Variants in PPP1R8 observed in about 807,000 individuals in gnomAD.
PPP1R8 encodes the protein nuclear inhibitor of protein phosphatase 1.
In PPP1R8, 4 loss-of-function variants were observed where a neutral mutation model predicts 31.3. That is an observed-to-expected ratio of 0.13 (90% CI 0.06 to 0.29). The LOEUF (loss-of-function observed/expected upper bound fraction) is 0.29, where lower values mean the gene tolerates loss of function less well. Among genes scored for constraint, PPP1R8 ranks in the 10% least tolerant of loss-of-function variants. PPP1R8 has a pLI of 1.00. For missense variants in PPP1R8, 254 were observed against 440.1 expected, an observed-to-expected ratio of 0.58 and a Z score of 3.78; for synonymous variants, 170 against 169.7, an observed-to-expected ratio of 1.00 and a Z score of -0.01.
At position 27,830,873 on chromosome 1, in the gene PPP1R8, T is replaced by C. The variant is rs1044865954; in HGVS notation, c.38T>C (p.Leu13Pro). 1 of 1,573,396 alleles carries C rather than the reference T, an allele frequency of 6.4e-7. No homozygotes were observed. Among genetic ancestry groups the C allele is most frequent in the African/African-American group, 1.4e-5 (1 of 73,964 alleles). Reference sequence around the variant, plus strand: ...GCGAACTCCGGCTCTAGCCTCCCGCTGTTCGACTGCCCAACCTGGTGAGTG... The same window carrying C: ...GCGAACTCCGGCTCTAGCCTCCCGCCGTTCGACTGCCCAACCTGGTGAGTG... Reference protein sequence around the residue: ...AAANSGSSLPLFDCPTWAGKP... With the variant: ...AAANSGSSLPPFDCPTWAGKP... The change falls in exon 1 of 7, where the codon CTG becomes CCG. Residue 13 changes from leucine (L) to proline (P), a missense_variant. By Grantham distance (98) the Leu-to-Pro change is moderately conservative (BLOSUM62 -3). Coordinates refer to ENST00000311772, the MANE Select transcript of PPP1R8 (RefSeq NM_014110.5).
intron 2 of PPP1R8, among the ~76,000 whole-genome samples, chr1:27,835,925 C>T (rs940420877): frequency 6.6e-6 from 1 of 152,208 alleles, no homozygotes; most frequent in Non-Finnish European, 1.5e-5. Flanking sequence ...ATGTAAAACT[C>T]ATAGCATAGT....
intron 1 of PPP1R8, among the ~76,000 whole-genome samples, chr1:27,832,444 C>A (rs902229971): frequency 6.6e-6 from 1 of 152,130 alleles, no homozygotes; most frequent in African/African-American, 2.4e-5. Flanking sequence ...GACTAGACCA[C>A]CCCAGCTATC....
chr1:27,837,294 G>C (rs1219501403), intron 2 of PPP1R8, among the ~76,000 whole-genome samples: 1 of 151,746 alleles, frequency 6.6e-6, no homozygotes, highest in African/African-American at 2.4e-5. Context: ...AGCTGGGCGT[G>C]GTGGCACACG....
rs150551499 is a variant in PPP1R8 at position 27,850,197 on chromosome 1, C to A, written c.807C>A (p.Pro269=). Residue 269 remains proline (P), a synonymous_variant, in exon 7 of 7, where the codon CCC becomes CCA. Coordinates refer to ENST00000311772, the MANE Select transcript of PPP1R8 (RefSeq NM_014110.5). ...FSGGLYGGLP[P]THSEAGSQPH... is the part of the protein sequence containing the mutation. ...GAGGACTCTACGGGGGCCTGCCCCC[C>A]ACACACAGTGAAGCAGGCTCCCAGC... 6 of 1,614,078 alleles carry A rather than the reference C, an allele frequency of 3.7e-6. No homozygotes were observed. Among genetic ancestry groups the A allele is most frequent in the Non-Finnish European group, 4.2e-6 (5 of 1,180,046 alleles).
At position 27,851,576 on chromosome 1, in the gene PPP1R8, C is replaced by T. The variant is rs777995449; in HGVS notation, c.*1130C>T. 7 of 511,330 alleles carry T rather than the reference C, an allele frequency of 1.4e-5. No individual in the cohort carries two copies. The highest frequency in any genetic ancestry group is 4.3e-5 in the South Asian group (3 of 69,656). 31.7% of individuals were successfully genotyped at this position (511,330 alleles called of 1,614,324 possible). On this transcript the variant is annotated 3_prime_UTR_variant, in exon 7 of 7. Transcript: ENST00000311772. ...GTCTCTCAGTCACTGATTGCCACTG[C>T]CATCTGGAAATGTTTGCTAAAGGCA...
chr1:27,838,612 T>C, intron 2 of PPP1R8, 87 bp from the exon 3 acceptor site: 1 of 839,274 alleles, frequency 1.2e-6, no homozygotes, highest in East Asian at 3.0e-5. Context: ...AGGAATTTTA[T>C]CTACTCAAGA....
chr1:27,835,793 G>C (rs1191236023), intron 2 of PPP1R8, among the ~76,000 whole-genome samples: 1 of 152,236 alleles, frequency 6.6e-6, no homozygotes, highest in Non-Finnish European at 1.5e-5. Context: ...CGGCCCACAA[G>C]TATCTAACTG....
intron 2 of PPP1R8, among the ~76,000 whole-genome samples, chr1:27,837,004 AT>A (rs2089173393): frequency 1.3e-5 from 2 of 152,228 alleles, no homozygotes; most frequent in African/African-American, 4.8e-5. Flanking sequence ...TCTTATTACA[AT>A]TTTTTTCGGT....
chr1:27,847,206 C>G (rs550234343), intron 6 of PPP1R8, 114 bp downstream of exon 6: 17 of 1,034,826 alleles, frequency 1.6e-5, no homozygotes, highest in East Asian at 5.0e-5. Flanking sequence ...GCAGGCAGAT[C>G]AAGAGGTCAA....
At chr1:27,846,309 C>T (rs539520576) in intron 5 of PPP1R8, among the ~76,000 whole-genome samples, 1 of 152,266 alleles carries the variant, frequency 6.6e-6, no homozygotes. Flanking sequence ...CAGTCATCCC[C>T]TCTGTGCTCC....
chr1:27,831,281 C>T, intron 1 of PPP1R8: 5 of 1,006,760 alleles, frequency 5.0e-6, no homozygotes, highest in Non-Finnish European at 4.7e-6. Flanking sequence ...AGCCCCGGCC[C>T]CAACCCTACC....
At chr1:27,845,793 T>C (rs1275811962) in intron 5 of PPP1R8, among the ~76,000 whole-genome samples, 1 of 130,824 alleles carries the variant, frequency 7.6e-6, no homozygotes, top group Non-Finnish European at 1.6e-5. Flanking sequence ...CTTTTTTTTT[T>C]TTTTTTTTTT....
intron 2 of PPP1R8, among the ~76,000 whole-genome samples, chr1:27,837,483 T>C (rs2148615782): frequency 6.7e-6 from 1 of 148,880 alleles, no homozygotes; most frequent in East Asian, 2.1e-4. Flanking sequence ...CTAATAGAAT[T>C]AAGAAAAGTT....
At chr1:27,836,456 C>T (rs543118659) in intron 2 of PPP1R8, among the ~76,000 whole-genome samples, 82 of 152,300 alleles carry the variant, frequency 5.4e-4, no homozygotes, top group African/African-American at 1.8e-3. Context: ...TGCTCTGTCG[C>T]CCAGGCTGGA....
At chr1:27,837,513 G>T (rs1027241931) in intron 2 of PPP1R8, among the ~76,000 whole-genome samples, 20 of 151,808 alleles carry the variant, frequency 1.3e-4, no homozygotes, top group Non-Finnish European at 1.9e-4. Context: ...GCAGCGGTTG[G>T]CTCATGCTTG....
chr1:27,845,104 C>G (rs76533708), intron 5 of PPP1R8, among the ~76,000 whole-genome samples: 9,588 of 144,946 alleles, frequency 0.066, 1,063 homozygotes, highest in East Asian at 0.46. Context: ...AAAATTAGTG[C>G]CCTCGGCCGG....
intron 5 of PPP1R8, among the ~76,000 whole-genome samples, chr1:27,844,240 C>T (rs917954694): frequency 4.6e-5 from 7 of 152,028 alleles, no homozygotes; most frequent in African/African-American, 9.7e-5. Flanking sequence ...TGGGCTTAAG[C>T]GATCCTCCTG....
chr1:27,836,921 A>G (rs1233340365), intron 2 of PPP1R8, among the ~76,000 whole-genome samples: 1 of 152,166 alleles, frequency 6.6e-6, no homozygotes, highest in Admixed American at 6.5e-5. Flanking sequence ...CAGCATGATT[A>G]GAATAGAAAT....
intron 1 of PPP1R8, chr1:27,831,392 A>G (rs2089104521): frequency 2.0e-6 from 2 of 981,988 alleles, no homozygotes; most frequent in African/African-American, 1.8e-5. Context: ...CCCTGCCCTC[A>G]GGGAGCTCCC....
Sources: gnomAD v4.1 joint callset for allele counts (sites outside exome capture counted in the v4.1 genomes callset) on GRCh38, gnomAD v4.1.1 for gene constraint, MANE v1.5 for transcripts, NCBI Gene and HGNC (gene_info 2026-07-23, HGNC 2026-07-21) for gene names.